Variants in NOTCH2 observed in about 807,000 individuals in gnomAD.
The protein encoded by NOTCH2 is notch receptor 2, also known as neurogenic locus notch homolog protein 2.
A neutral mutation model predicts 235.8 loss-of-function variants in NOTCH2; 29 were observed. The observed-to-expected ratio is 0.12, with a 90% CI of 0.09 to 0.17. NOTCH2 has a LOEUF of 0.17. Ranked by LOEUF, NOTCH2 falls within the 10% of genes least tolerant of loss-of-function variation. The pLI, the probability that NOTCH2 is intolerant of heterozygous loss-of-function variation, is 1.00. For missense variants in NOTCH2, 2,285 were observed against 3,150.2 expected, an observed-to-expected ratio of 0.73 and a Z score of 6.57; for synonymous variants, 1,086 against 1,141.5, an observed-to-expected ratio of 0.95 and a Z score of 0.98.
chr1:119,975,108 T>C (rs939244617), intron 5 of NOTCH2, among the ~76,000 whole-genome samples: 1 of 152,174 alleles, frequency 6.6e-6, no homozygotes, highest in African/African-American at 2.4e-5. Flanking sequence ...ATAAAGACTT[T>C]GGGGTGTGAG....
Position 119,956,065 on chromosome 1 carries a change from G to T in NOTCH2, c.2027-833C>A, listed in dbSNP as rs587745831. ...TTACTTATCATCATCATACAATGTG[G>T]ATACTGGGAGTAAGTGAAATTGAAG... is the stretch of plus-strand genomic sequence containing the variant. On this transcript the variant is annotated intron_variant, in intron 12 of 33. Coordinates refer to ENST00000256646, the MANE Select transcript of NOTCH2 (RefSeq NM_024408.4). 1.9e-4 allele frequency among the ~76,000 whole-genome samples: 29 copies of T among 152,240 alleles called. No homozygotes were observed. The South Asian group carries it at 5.4e-3, about 28-fold the overall frequency.
At chr1:119,955,594 G>A (rs1553198297) in intron 12 of NOTCH2, among the ~76,000 whole-genome samples, 1 of 152,198 alleles carries the variant, frequency 6.6e-6, no homozygotes, top group African/African-American at 2.4e-5. Flanking sequence ...ACTCAAAGAA[G>A]CATTCATTAA....
intron 5 of NOTCH2, among the ~76,000 whole-genome samples, chr1:119,985,016 T>C (rs1409503419): frequency 2.0e-5 from 3 of 152,072 alleles, no homozygotes; most frequent in African/African-American, 7.2e-5. Flanking sequence ...ACACAGGATG[T>C]GAAGCACTAT....
In NOTCH2 at chr1:119,935,521, A is replaced by G. The variant is rs1553195630; in HGVS notation, c.3606T>C (p.Cys1202=). Residue 1202 remains cysteine, a synonymous_variant, in exon 22 of 34, where the codon TGT becomes TGC. Coordinates refer to ENST00000256646, the MANE Select transcript of NOTCH2 (RefSeq NM_024408.4). ...QNQPCQNGGT[C]IDLVNHFKCS... ...ACTTGAAATGGTTCACAAGGTCAAT[A>G]CAGGTGCCTCCATTCTGGCAGGGCT... is the stretch of plus-strand genomic sequence containing the variant. 1.2e-6 allele frequency: 2 copies of G among 1,614,236 alleles called. No homozygotes were observed. The highest frequency in any genetic ancestry group is 2.2e-5 in the South Asian group (2 of 91,088).
At chr1:119,968,703 A>T (rs1570701276) in intron 6 of NOTCH2, among the ~76,000 whole-genome samples, 1 of 152,320 alleles carries the variant, frequency 6.6e-6, no homozygotes, top group African/African-American at 2.4e-5. Context: ...CCTGAACACC[A>T]TCAGCCTCTA....
chr1:119,943,064 G>T (rs1434110428), intron 17 of NOTCH2, among the ~76,000 whole-genome samples: 1 of 151,924 alleles, frequency 6.6e-6, no homozygotes, highest in African/African-American at 2.4e-5. Context: ...GTACAGACCA[G>T]GTTTCACCAT....
At position 120,065,412 on chromosome 1, in the gene NOTCH2, C is replaced by T. The variant is rs587701335; in HGVS notation, c.73+3922G>A. Among the ~76,000 whole-genome samples the T allele has an allele frequency of 5.3e-5, 8 of 152,306 alleles. No individual in the cohort carries two copies. The East Asian group carries it at 1.5e-3, about 29-fold the overall frequency. ...AAATGAAAATACACGATTCCTTCCT[C>T]ATGTACGCATTAACAATAAGCACTT... is the stretch of plus-strand genomic sequence containing the variant. On this transcript the variant is annotated intron_variant, in intron 1 of 33. Coordinates refer to ENST00000256646, the MANE Select transcript of NOTCH2 (RefSeq NM_024408.4).
At position 119,948,323 on chromosome 1, in the gene NOTCH2, C is replaced by T. The variant is rs149959410; in HGVS notation, c.2752+91G>A. The T allele has an allele frequency of 2.3e-4, 322 of 1,378,430 alleles. 1 individual carries two copies. The African/African-American group carries it at 3.4e-3, about 14-fold the overall frequency. 85.4% of individuals were successfully genotyped at this position (1,378,430 alleles called of 1,614,324 possible). On this transcript the variant is annotated intron_variant, in intron 17 of 33. Transcript: ENST00000256646. ...AATGACCGGTATGCCCAATGTCAGG[C>T]GTGAAAGGCGGCAGCCTCCACTGGG... is the stretch of plus-strand genomic sequence containing the variant.
In NOTCH2 at chr1:119,966,402, T is replaced by A. The variant is rs34308573; in HGVS notation, c.1541A>T (p.Asn514Ile). ...AGGAGGACACAGGCACTGGAAACGATTGACTTTATCCACACACTGCCCATT... is the reference window on the plus strand; with the variant it reads ...AGGAGGACACAGGCACTGGAAACGAATGACTTTATCCACACACTGCCCATT... Reference protein sequence around the residue: ...VNNGQCVDKVNRFQCLCPPGF... With the variant: ...VNNGQCVDKVIRFQCLCPPGF... The change falls in exon 9 of 34, where the codon AAT (asparagine) becomes ATT (isoleucine). Residue 514 changes from asparagine to isoleucine, a missense_variant. Asn to Ile is a moderately radical substitution (Grantham distance 149, BLOSUM62 -3). Coordinates refer to ENST00000256646, the MANE Select transcript of NOTCH2 (RefSeq NM_024408.4). The A allele has an allele frequency of 6.2e-7, 1 of 1,613,910 alleles. No individual in the cohort carries two copies. The highest frequency in any genetic ancestry group is 1.7e-5 in the Admixed American group (1 of 60,002).
At chr1:119,935,226 A>C in intron 22 of NOTCH2, 1 of 1,396,068 alleles carries the variant, frequency 7.2e-7, no homozygotes, top group South Asian at 1.5e-5. Context: ...TCCCTTCCAT[A>C]TTCTGTGTTT....
intron 6 of NOTCH2, 29 bp from the exon 7 acceptor site, chr1:119,968,261 AAG>A (rs1553199965): frequency 1.9e-6 from 3 of 1,611,116 alleles, no homozygotes; most frequent in African/African-American, 1.3e-5. Context: ...AAGGACAACT[AAG>A]AGAAAATGTC....
At chr1:119,950,628 C>A in intron 15 of NOTCH2, 96 bp downstream of exon 15, 1 of 809,242 alleles carries the variant, frequency 1.2e-6, no homozygotes, top group East Asian at 2.4e-5. Context: ...CTCGGAGGAG[C>A]ATTACAGCCC....
chr1:120,067,168 CAAT>C, intron 1 of NOTCH2, among the ~76,000 whole-genome samples: 1 of 152,050 alleles, frequency 6.6e-6, no homozygotes, highest in East Asian at 1.9e-4. Flanking sequence ...TAGCAAAACA[CAAT>C]AATAAATTAA....
In NOTCH2 at chr1:119,941,707, A is replaced by C; in HGVS notation, c.2800T>G (p.Ser934Ala). The C allele has an allele frequency of 6.2e-7, 1 of 1,614,192 alleles. No homozygotes were observed. Among genetic ancestry groups the C allele is most frequent in the Admixed American group, 1.7e-5 (1 of 60,024 alleles). The change falls in exon 18 of 34, where the codon TCC (serine) becomes GCC (alanine). Residue 934 changes from serine (S) to alanine (A), a missense_variant. By Grantham distance (99) the Ser-to-Ala change is moderately conservative (BLOSUM62 1). Around this residue, in one of 6 missense-constraint regions of NOTCH2, gnomAD observed 1,173 missense variants for 1,515.3 expected, o/e 0.77. Transcript: ENST00000256646. ...GTGAAACCCGGAAGGCAGAGGCAGG[A>C]GAAAGTATTCACTCCATCCATACAG... Reference protein sequence around the residue: ...GSCMDGVNTFSCLCLPGFTGD... With the variant: ...GSCMDGVNTFACLCLPGFTGD...
At chr1:119,977,344 C>A (rs587642108) in intron 5 of NOTCH2, among the ~76,000 whole-genome samples, 1 of 152,264 alleles carries the variant, frequency 6.6e-6, no homozygotes, top group South Asian at 2.1e-4. Flanking sequence ...CTTCCTGTGT[C>A]ACTGAACTCT....
At position 119,954,515 on chromosome 1, in the gene NOTCH2, A is replaced by G. The variant is rs377508401; in HGVS notation, c.2219+525T>C. ...AGTATAAGAGCGTCTCGTGAGACCT[A>G]AGGTCACTCTATGATTCTAGAAAAT... On this transcript the variant is annotated intron_variant, in intron 13 of 33. Coordinates refer to ENST00000256646, the MANE Select transcript of NOTCH2 (RefSeq NM_024408.4). Among the ~76,000 whole-genome samples, 28 of 152,326 alleles carry G rather than the reference A, an allele frequency of 1.8e-4. 1 individual carries two copies. The East Asian group carries it at 5.2e-3, about 28-fold the overall frequency.
intron 11 of NOTCH2, among the ~76,000 whole-genome samples, chr1:119,959,927 A>G (rs192735302): frequency 6.6e-6 from 1 of 152,362 alleles, no homozygotes. Flanking sequence ...TATAATTTTA[A>G]TAAATCTCGA....
chr1:119,932,675 T>C (rs1040433609), intron 22 of NOTCH2, among the ~76,000 whole-genome samples: 1 of 152,166 alleles, frequency 6.6e-6, no homozygotes, highest in African/African-American at 2.4e-5. Context: ...GAGGAAGTTC[T>C]ATATTTTGAT....
chr1:119,965,614 T>G (rs1553199574), intron 9 of NOTCH2, 48 bp from the exon 10 acceptor site: 1 of 1,258,004 alleles, frequency 7.9e-7, no homozygotes. Context: ...ATCTTGTGTC[T>G]CCCTTTACCA....
Sources: gnomAD v4.1 joint callset for allele counts (sites outside exome capture counted in the v4.1 genomes callset) on GRCh38, gnomAD v4.1.1 for gene constraint, gnomAD v4.1.1 regional missense constraint, MANE v1.5 for transcripts, NCBI Gene and HGNC (gene_info 2026-07-23, HGNC 2026-07-21) for gene names.